Variants in RAP1A observed in about 807,000 individuals in gnomAD.
RAP1A encodes the protein RAP1A, member of RAS oncogene family.
A neutral mutation model predicts 26.4 loss-of-function variants in RAP1A; 6 were observed. The ratio of observed to expected loss-of-function variants is 0.23; its 90% CI spans 0.12 to 0.45. The LOEUF is 0.45. Among genes scored for constraint, RAP1A ranks in the 20% least tolerant of loss-of-function variants. RAP1A has a pLI of 0.99. For synonymous variants in RAP1A, 73 were observed against 79.4 expected (o/e 0.92, Z 0.43); for missense variants, 121 against 217.2 (o/e 0.56, Z 2.78).
chr1:111,705,109 A>G (rs1165264046), intron 6 of RAP1A, among the ~76,000 whole-genome samples: 1 of 152,212 alleles, frequency 6.6e-6, no homozygotes, highest in Non-Finnish European at 1.5e-5. Flanking sequence ...GCCTGGGTGT[A>G]AAGGGCCAAC....
At chr1:111,642,492 CT>C (rs111801242) in intron 1 of RAP1A, among the ~76,000 whole-genome samples, 1,951 of 143,046 alleles carry the variant, frequency 0.014, 30 homozygotes, top group African/African-American at 0.043. Context: ...TAGGTGTTAA[CT>C]TTTTTTTTTT....
intron 1 of RAP1A, among the ~76,000 whole-genome samples, chr1:111,688,345 A>T (rs189972758): frequency 0.013 from 1,563 of 124,336 alleles, 17 homozygotes; most frequent in Middle Eastern, 0.038. Flanking sequence ...TTTGAGACGG[A>T]GTCTTGCTCT....
At chr1:111,697,918 A>G (rs990187302) in intron 4 of RAP1A, among the ~76,000 whole-genome samples, 2 of 152,078 alleles carry the variant, frequency 1.3e-5, no homozygotes, top group Non-Finnish European at 2.9e-5. Context: ...ATGTTTTCTG[A>G]GGAAGGCAAA....
chr1:111,626,475 G>A (rs1474279092), intron 1 of RAP1A, among the ~76,000 whole-genome samples: 1 of 151,954 alleles, frequency 6.6e-6, no homozygotes, highest in African/African-American at 2.4e-5. Flanking sequence ...TCTGTTTAAC[G>A]TCAGAAGTTG....
intron 1 of RAP1A, among the ~76,000 whole-genome samples, chr1:111,676,065 T>C (rs1158182050): frequency 6.6e-6 from 1 of 152,140 alleles, no homozygotes; most frequent in East Asian, 1.9e-4. Flanking sequence ...GATTATTAAA[T>C]TTAAGGTGAG....
chr1:111,638,921 A>G (rs1181877221), intron 1 of RAP1A, among the ~76,000 whole-genome samples: 1 of 151,438 alleles, frequency 6.6e-6, no homozygotes, highest in Non-Finnish European at 1.5e-5. Context: ...AATAATACAG[A>G]TTTTTGAGGA....
intron 1 of RAP1A, among the ~76,000 whole-genome samples, chr1:111,544,708 A>G (rs889441449): frequency 2.0e-5 from 3 of 152,180 alleles, no homozygotes; most frequent in Non-Finnish European, 4.4e-5. Flanking sequence ...TGAATTATAC[A>G]TTCAAAACGT....
intron 1 of RAP1A, among the ~76,000 whole-genome samples, chr1:111,681,277 C>T (rs571786224): frequency 2.6e-5 from 4 of 152,106 alleles, no homozygotes; most frequent in Non-Finnish European, 5.9e-5. Context: ...ATTCCGAAAA[C>T]CAGCATGCCT....
At chr1:111,613,301 G>A (rs185573186) in intron 1 of RAP1A, among the ~76,000 whole-genome samples, 8 of 152,090 alleles carry the variant, frequency 5.3e-5, no homozygotes, top group African/African-American at 7.2e-5. Context: ...CCAGGTTCAC[G>A]CCATTCTCCT....
chr1:111,620,076 G>A (rs1659140839), intron 1 of RAP1A, 142 bp downstream of exon 1: 1 of 392,834 alleles, frequency 2.5e-6, no homozygotes, highest in East Asian at 3.6e-5. Context: ...GTGTCGGGGC[G>A]GCGGCCCGGG....
At chr1:111,606,099 A>G (rs867378927) in intron 1 of RAP1A, among the ~76,000 whole-genome samples, 57 of 152,320 alleles carry the variant, frequency 3.7e-4, no homozygotes, top group African/African-American at 1.3e-3. Flanking sequence ...AAGACAGAGA[A>G]GCAGGCCAGA....
At chr1:111,660,416 A>C (rs947491201) in intron 1 of RAP1A, among the ~76,000 whole-genome samples, 11 of 152,022 alleles carry the variant, frequency 7.2e-5, no homozygotes, top group African/African-American at 2.2e-4. Flanking sequence ...GTGTTCTCTG[A>C]ACTTCCTGGG....
chr1:111,589,945 T>C lies in RAP1A; in HGVS notation c.-28+47436T>C, dbSNP rs74465989. Among the ~76,000 whole-genome samples, 581 of 152,204 alleles carry C rather than the reference T, an allele frequency of 3.8e-3. 2 individuals carry two copies. The highest frequency in any genetic ancestry group is 0.02 in the Middle Eastern group (6 of 294). ...CAGTTAATTTTTGCTTTTGTTTTTG[T>C]TTTTTGTAGAGATGAGGTTTTGCCA... On this transcript the variant is annotated intron_variant, in intron 1 of 7. Coordinates refer to the RAP1A transcript ENST00000356415.
chr1:111,655,680 T>C (rs914647632), intron 1 of RAP1A, among the ~76,000 whole-genome samples: 3 of 131,548 alleles, frequency 2.3e-5, no homozygotes, highest in African/African-American at 8.1e-5. Flanking sequence ...TTTTTTTTTT[T>C]TTTTTAAGAC....
chr1:111,631,299 C>T (rs1002234983), intron 1 of RAP1A, among the ~76,000 whole-genome samples: 1 of 152,036 alleles, frequency 6.6e-6, no homozygotes, highest in African/African-American at 2.4e-5. Context: ...AGTTGGTAGA[C>T]AAAGATCTTT....
At chr1:111,682,079 A>AT (rs1450784088) in intron 1 of RAP1A, among the ~76,000 whole-genome samples, 1 of 152,184 alleles carries the variant, frequency 6.6e-6, no homozygotes, top group African/African-American at 2.4e-5. Context: ...CCAGAATTTC[A>AT]TATCCAGCCA....
Position 111,713,571 on chromosome 1 carries a change from A to G in RAP1A, c.*1170A>G, listed in dbSNP as rs1662448677. Reference sequence around the variant, plus strand: ...GTGAAAAATTTCAAACTTGCTTTATAATAGATTGAAGAATTTGAGAGAAGT... The same window carrying G: ...GTGAAAAATTTCAAACTTGCTTTATGATAGATTGAAGAATTTGAGAGAAGT... On this transcript the variant is annotated 3_prime_UTR_variant, in exon 8 of 8. Coordinates refer to ENST00000369709, the MANE Select transcript of RAP1A (RefSeq NM_002884.4). 1 of 152,210 alleles carries G rather than the reference A, an allele frequency of 6.6e-6. No individual in the cohort carries two copies. The highest frequency in any genetic ancestry group is 1.5e-5 in the Non-Finnish European group (1 of 68,026). The allele number at this position is 152,210 out of a possible 1,614,324, so 9.4% of individuals were successfully genotyped here. A position where few individuals can be genotyped will look rare whatever the true frequency, so the allele number is the denominator to read the frequency against.
chr1:111,573,327 T>C (rs1202484288), intron 1 of RAP1A, among the ~76,000 whole-genome samples: 1 of 152,170 alleles, frequency 6.6e-6, no homozygotes, highest in African/African-American at 2.4e-5. Context: ...CTTTCCACAA[T>C]GGTTAAACTA....
chr1:111,580,415 C>T (rs1023803225), intron 1 of RAP1A, among the ~76,000 whole-genome samples: 5 of 152,162 alleles, frequency 3.3e-5, no homozygotes, highest in African/African-American at 9.7e-5. Context: ...GTAAGGCACA[C>T]ACGTGGATGT....
Sources: gnomAD v4.1 joint callset for allele counts (sites outside exome capture counted in the v4.1 genomes callset) on GRCh38, gnomAD v4.1.1 for gene constraint, MANE v1.5 for transcripts, NCBI Gene and HGNC (gene_info 2026-07-23, HGNC 2026-07-21) for gene names.